ZNF609: variants seen among roughly 807,000 people sequenced by gnomAD.
ZNF609 encodes zinc finger protein 609.
In ZNF609, 11 loss-of-function variants were observed where a neutral mutation model predicts 109.5. The ratio of observed to expected loss-of-function variants is 0.10; its 90% confidence interval spans 0.06 to 0.17. The LOEUF (loss-of-function observed/expected upper bound fraction) is 0.17, where lower values mean the gene tolerates loss of function less well. Ranked by LOEUF, ZNF609 falls within the 10% of genes least tolerant of loss-of-function variation. ZNF609 has a pLI of 1.00. For synonymous variants in ZNF609, 646 were observed against 662.0 expected (o/e 0.98, Z 0.37); for missense variants, 1,559 against 1,772.4 (o/e 0.88, Z 2.16).
In ZNF609 at chr15:64,583,710, G is replaced by A. The variant is rs78359952; in HGVS notation, c.748-39117G>A. 2.6e-5 allele frequency among the ~76,000 whole-genome samples: 4 copies of A among 152,286 alleles called. No individual in the cohort carries two copies. In the East Asian group the frequency reaches 5.8e-4, roughly 22 times the overall value. On this transcript the variant is annotated intron_variant, in intron 2 of 9. Coordinates refer to ENST00000326648, the MANE Select transcript of ZNF609 (RefSeq NM_015042.2). ...CCTGTCCAACATATTCTGAGTAAAT[G>A]TTCAGACTTTTGCTAGAATCGTGAA...
At chr15:64,552,500 G>A (rs1019720715) in intron 2 of ZNF609, among the ~76,000 whole-genome samples, 2 of 151,790 alleles carry the variant, frequency 1.3e-5, no homozygotes, top group African/African-American at 2.4e-5. Context: ...GCCTCCTACA[G>A]GCACGCACCA....
intron 2 of ZNF609, among the ~76,000 whole-genome samples, chr15:64,565,247 T>TTATTATTATTATTAC (rs1460948922): frequency 1.4e-5 from 2 of 147,122 alleles, no homozygotes; most frequent in Non-Finnish European, 3.0e-5. Context: ...ATTATTATTA[T>TTATTATTATTATTAC]TATTACTATT....
chr15:64,614,437 T>C (rs1432398628), intron 2 of ZNF609, among the ~76,000 whole-genome samples: 3 of 151,948 alleles, frequency 2.0e-5, no homozygotes, highest in African/African-American at 7.3e-5. Flanking sequence ...GGTTTCACCG[T>C]GTTAGCCAGG....
chr15:64,549,609 T>C (rs1298369043), intron 2 of ZNF609, among the ~76,000 whole-genome samples: 7 of 152,184 alleles, frequency 4.6e-5, no homozygotes, highest in African/African-American at 1.7e-4. Context: ...CAAGGTTACA[T>C]TGGCAGAGCC....
Position 64,683,357 on chromosome 15 carries a change from G to A in ZNF609, c.*1671G>A, listed in dbSNP as rs570536862. 1.3e-5 allele frequency: 2 copies of A among 152,734 alleles called. No individual in the cohort carries two copies. Among genetic ancestry groups the A allele is most frequent in the African/African-American group, 4.8e-5 (2 of 41,550 alleles). The allele number at this position is 152,734 out of a possible 1,614,324, so 9.5% of individuals were successfully genotyped here. On this transcript the variant is annotated 3_prime_UTR_variant, in exon 10 of 10. Transcript: ENST00000326648. ...ACAGTAAGCACAATGCCCAGTAGTA[G>A]TTGATTTCCAAGGACCCTGGAACCC...
chr15:64,660,370 C>T (rs767892453), intron 3 of ZNF609, among the ~76,000 whole-genome samples: 5 of 152,126 alleles, frequency 3.3e-5, no homozygotes, highest in South Asian at 4.1e-4. Flanking sequence ...AAGGTGCAGA[C>T]GGTCTATGTC....
At chr15:64,564,474 A>G (rs1894742311) in intron 2 of ZNF609, among the ~76,000 whole-genome samples, 1 of 152,182 alleles carries the variant, frequency 6.6e-6, no homozygotes, top group Admixed American at 6.6e-5. Context: ...GTGTTAGGGT[A>G]ACATTTAGAA....
At chr15:64,512,953 C>T (rs953064084) in intron 2 of ZNF609, among the ~76,000 whole-genome samples, 2 of 151,944 alleles carry the variant, frequency 1.3e-5, no homozygotes, top group Admixed American at 6.6e-5. Context: ...CAAACTCATA[C>T]TAGAAAACAT....
intron 1 of ZNF609, among the ~76,000 whole-genome samples, chr15:64,461,781 C>T (rs1431881169): frequency 6.6e-6 from 1 of 152,138 alleles, no homozygotes; most frequent in Non-Finnish European, 1.5e-5. Context: ...CTGTTTCCAG[C>T]CATGTGTCCA....
intron 2 of ZNF609, chr15:64,529,049 C>T: frequency 7.4e-7 from 1 of 1,354,002 alleles, no homozygotes; most frequent in Admixed American, 1.8e-5. Context: ...CCAGTAGAGA[C>T]AGGGATGATG....
At chr15:64,567,731 G>T (rs138542909) in intron 2 of ZNF609, among the ~76,000 whole-genome samples, 3 of 151,250 alleles carry the variant, frequency 2.0e-5, no homozygotes, top group African/African-American at 4.9e-5. Context: ...GCACGATCTC[G>T]GCTCACTGCG....
At chr15:64,630,613 C>T (rs915663331) in intron 3 of ZNF609, among the ~76,000 whole-genome samples, 10 of 151,608 alleles carry the variant, frequency 6.6e-5, no homozygotes, top group Non-Finnish European at 1.5e-5. Context: ...CCAGCTGGAG[C>T]GTAGTGGTGT....
chr15:64,528,399 A>G (rs910258130), intron 2 of ZNF609, among the ~76,000 whole-genome samples: 2 of 150,150 alleles, frequency 1.3e-5, no homozygotes, highest in Non-Finnish European at 3.0e-5. Flanking sequence ...TATTATTATT[A>G]TTATTATTTT....
chr15:64,676,044 C>T lies in ZNF609; in HGVS notation c.3190C>T (p.Pro1064Ser). The T allele has an allele frequency of 1.2e-6, 2 of 1,614,218 alleles. No individual in the cohort carries two copies. The highest frequency in any genetic ancestry group is 1.7e-6 in the Non-Finnish European group (2 of 1,180,034). The change falls in exon 5 of 10, where the codon CCT (proline) becomes TCT (serine). Residue 1064 changes from proline (P) to serine (S), a missense_variant. Transcript: ENST00000326648. Reference protein sequence around the residue: ...PSLTDLVKSGPGKAKEPGADP... With the variant: ...PSLTDLVKSGSGKAKEPGADP... ...CCTGACAGACCTGGTGAAATCAGGA[C>T]CTGGCAAGGCCAAGGAGCCAGGGGC...
intron 2 of ZNF609, among the ~76,000 whole-genome samples, chr15:64,594,259 A>C (rs1567023837): frequency 6.6e-6 from 1 of 151,938 alleles, no homozygotes; most frequent in African/African-American, 2.4e-5. Flanking sequence ...CATATGCACT[A>C]TGTTTTGTTT....
chr15:64,615,088 A>G (rs1895778502), intron 2 of ZNF609, among the ~76,000 whole-genome samples: 1 of 152,048 alleles, frequency 6.6e-6, no homozygotes, highest in Non-Finnish European at 1.5e-5. Flanking sequence ...AAGTGCTGGG[A>G]TTACAGGCGT....
At chr15:64,551,388 GCTCAC>G (rs1216764569) in intron 2 of ZNF609, among the ~76,000 whole-genome samples, 13 of 152,136 alleles carry the variant, frequency 8.5e-5, no homozygotes, top group Admixed American at 8.5e-4. Flanking sequence ...TGGCGCGGTG[GCTCAC>G]GCCTGTAATC....
At chr15:64,480,115 G>A (rs1015432299) in intron 1 of ZNF609, among the ~76,000 whole-genome samples, 2 of 151,620 alleles carry the variant, frequency 1.3e-5, no homozygotes, top group African/African-American at 2.4e-5. Flanking sequence ...GCAGGTGCCT[G>A]TAATCCCAGC....
chr15:64,567,725 G>A (rs577387521), intron 2 of ZNF609, among the ~76,000 whole-genome samples: 82 of 151,206 alleles, frequency 5.4e-4, no homozygotes, highest in African/African-American at 1.8e-3. Flanking sequence ...GCAGTGGCAC[G>A]ATCTCGGCTC....
Sources: allele counts gnomAD v4.1 joint callset (sites outside exome capture counted in the v4.1 genomes callset), GRCh38; gene constraint gnomAD v4.1.1; transcripts MANE v1.5; gene names NCBI Gene and HGNC (gene_info 2026-07-23, HGNC 2026-07-21).